ABL2: variants seen among roughly 807,000 people sequenced by gnomAD.
The protein encoded by ABL2 is tyrosine-protein kinase ABL2.
In ABL2, 49 loss-of-function variants were observed where a neutral mutation model predicts 107.7. The observed-to-expected ratio is 0.45, with a 90% CI of 0.36 to 0.58. The LOEUF (loss-of-function observed/expected upper bound fraction) is 0.58, where lower values mean the gene tolerates loss of function less well. Among genes scored for constraint, ABL2 ranks in the 20% least tolerant of loss-of-function variants. ABL2 has a pLI of 0.00. For missense variants in ABL2, 1,245 were observed against 1,457.0 expected, an observed-to-expected ratio of 0.85 and a Z score of 2.37; for synonymous variants, 549 against 548.6, an observed-to-expected ratio of 1.00 and a Z score of -0.01.
At chr1:179,191,740 A>G (rs1191223600) in intron 1 of ABL2, among the ~76,000 whole-genome samples, 2 of 152,156 alleles carry the variant, frequency 1.3e-5, no homozygotes, top group Non-Finnish European at 2.9e-5. Flanking sequence ...ATTACTTCAT[A>G]TATACATATT....
In ABL2 at chr1:179,203,941, C is replaced by T. The variant is rs548875426; in HGVS notation, c.157+25300G>A. 3.3e-5 allele frequency among the ~76,000 whole-genome samples: 5 copies of T among 152,164 alleles called. No individual in the cohort carries two copies. The South Asian group carries it at 1.0e-3, about 32-fold the overall frequency. On this transcript the variant is annotated intron_variant, in intron 1 of 11. Coordinates refer to ENST00000502732, the MANE Select transcript of ABL2 (RefSeq NM_007314.4). ...TAATTCAATGTCCTTATTTGTAAAA[C>T]GGAGATGATAATGATACCTATCTAA...
chr1:179,138,991 C>T (rs891592164), intron 1 of ABL2, among the ~76,000 whole-genome samples: 7 of 152,240 alleles, frequency 4.6e-5, no homozygotes, highest in Non-Finnish European at 1.0e-4. Flanking sequence ...AGCACCTGGG[C>T]CAGCGGCTGT....
At chr1:179,133,525 C>G (rs1339446872) in intron 1 of ABL2, 151 bp from the exon 2 acceptor site, 1 of 1,272,790 alleles carries the variant, frequency 7.9e-7, no homozygotes, top group Non-Finnish European at 1.1e-6. Flanking sequence ...TACTCCATAC[C>G]TCAAATTGTA....
chr1:179,229,173 A>ACC, intron 1 of ABL2, 68 bp downstream of exon 1: 6 of 223,206 alleles, frequency 2.7e-5, no homozygotes, highest in Admixed American at 1.4e-4. Context: ...CCCGTCCGCC[A>ACC]CCCACCCCGC....
intron 1 of ABL2, among the ~76,000 whole-genome samples, chr1:179,218,218 GA>G (rs1266809481): frequency 6.6e-6 from 1 of 151,994 alleles, no homozygotes; most frequent in East Asian, 1.9e-4. Context: ...TGTCTCTCAA[GA>G]GACCTCTAAT....
At chr1:179,173,032 A>C (rs1232988715) in intron 1 of ABL2, among the ~76,000 whole-genome samples, 1 of 152,114 alleles carries the variant, frequency 6.6e-6, no homozygotes, top group East Asian at 1.9e-4. Context: ...TTTACTAAAA[A>C]TACAAAAATT....
chr1:179,195,923 T>G (rs1182831358), intron 1 of ABL2, among the ~76,000 whole-genome samples: 2 of 152,254 alleles, frequency 1.3e-5, no homozygotes, highest in Non-Finnish European at 2.9e-5. Flanking sequence ...ATGCAGAGCT[T>G]CAGTCTGGAA....
chr1:179,120,122 G>C, intron 6 of ABL2, 68 bp downstream of exon 6: 1 of 941,756 alleles, frequency 1.1e-6, no homozygotes, highest in Non-Finnish European at 1.6e-6. Context: ...AAAAGCATTT[G>C]GAGATAACAA....
intron 8 of ABL2, among the ~76,000 whole-genome samples, chr1:179,116,361 C>T (rs1191078001): frequency 6.6e-6 from 1 of 152,076 alleles, no homozygotes; most frequent in Non-Finnish European, 1.5e-5. Context: ...GACAACAGAG[C>T]AAGGCTCTGT....
At chr1:179,193,549 C>T (rs919513807) in intron 1 of ABL2, among the ~76,000 whole-genome samples, 5 of 151,754 alleles carry the variant, frequency 3.3e-5, no homozygotes, top group Non-Finnish European at 5.9e-5. Flanking sequence ...GGATAACAAG[C>T]GCCTGCGACC....
chr1:179,127,209 CA>C (rs1002232870), intron 3 of ABL2, among the ~76,000 whole-genome samples: 1 of 150,868 alleles, frequency 6.6e-6, no homozygotes, highest in Non-Finnish European at 1.5e-5. Context: ...AATGAACAAA[CA>C]AAAAAAAACA....
intron 1 of ABL2, among the ~76,000 whole-genome samples, chr1:179,179,570 C>T (rs773389491): frequency 1.9e-4 from 29 of 150,330 alleles, no homozygotes; most frequent in Non-Finnish European, 2.7e-4. Context: ...TGTACTAATA[C>T]GGGAAAAACA....
At chr1:179,217,483 G>A (rs1432470611) in intron 1 of ABL2, among the ~76,000 whole-genome samples, 4 of 151,820 alleles carry the variant, frequency 2.6e-5, no homozygotes, top group Non-Finnish European at 5.9e-5. Flanking sequence ...AAAATTAGCC[G>A]AGTGTGATGG....
chr1:179,116,422 G>C (rs1300520070), intron 8 of ABL2, among the ~76,000 whole-genome samples: 1 of 152,052 alleles, frequency 6.6e-6, no homozygotes, highest in Non-Finnish European at 1.5e-5. Flanking sequence ...GCTTTACAGA[G>C]GGAGGATCAT....
chr1:179,137,774 G>C (rs1657175636), intron 1 of ABL2: 1 of 152,210 alleles, frequency 6.6e-6, no homozygotes, highest in Non-Finnish European at 1.5e-5. Context: ...ATATTGAGCA[G>C]CTTCCTGGGC....
chr1:179,223,002 C>A (rs376750330), intron 1 of ABL2, among the ~76,000 whole-genome samples: 1 of 147,728 alleles, frequency 6.8e-6, no homozygotes, highest in Non-Finnish European at 1.5e-5. Context: ...CCCAGCTACT[C>A]GGGAGGCTGA....
At chr1:179,198,548 C>G (rs1661461170) in intron 1 of ABL2, among the ~76,000 whole-genome samples, 1 of 151,372 alleles carries the variant, frequency 6.6e-6, no homozygotes, top group Non-Finnish European at 1.5e-5. Context: ...CTAAAAGTAG[C>G]CAGGCGTGGT....
At chr1:179,127,675 C>G (rs1655862427) in intron 3 of ABL2, among the ~76,000 whole-genome samples, 2 of 152,118 alleles carry the variant, frequency 1.3e-5, no homozygotes, top group Admixed American at 6.6e-5. Flanking sequence ...TGCAAGTCTT[C>G]CTACAGCATT....
chr1:179,227,844 C>T (rs544030572), intron 1 of ABL2, among the ~76,000 whole-genome samples: 3 of 151,606 alleles, frequency 2.0e-5, no homozygotes, highest in Admixed American at 6.6e-5. Context: ...TGAGGTCAGG[C>T]GTTCGAGACC....
Sources: gnomAD v4.1 joint callset for allele counts (sites outside exome capture counted in the v4.1 genomes callset) on GRCh38, gnomAD v4.1.1 for gene constraint, MANE v1.5 for transcripts, NCBI Gene and HGNC (gene_info 2026-07-23, HGNC 2026-07-21) for gene names.